BST1: variants seen among roughly 807,000 people sequenced by gnomAD.
BST1 encodes bone marrow stromal cell antigen 1.
Under a neutral mutation model 40.6 loss-of-function variants are expected in BST1, and 49 were observed. That is an observed-to-expected ratio of 1.21 (90% CI 0.96 to 1.53). BST1 has a LOEUF of 1.53. BST1 is among the 40% of genes most tolerant of loss of function. The probability of loss-of-function intolerance (pLI) is 0.00; values close to 1 mark genes in which losing one functional copy is unlikely to be tolerated. For missense variants in BST1, 423 were observed against 395.9 expected (o/e 1.07, Z -0.58); for synonymous variants, 157 against 159.3 (o/e 0.99, Z 0.11).
chr4:15,750,820 A>G, the BST1 span, among the ~76,000 whole-genome samples: 1 of 134,394 alleles, frequency 7.4e-6, no homozygotes, highest in Non-Finnish European at 1.6e-5. Flanking sequence ...TTGTTCCTTA[A>G]TAATATAGCT....
At chr4:15,712,702 G>A (rs2148883020) in intron 4 of BST1, among the ~76,000 whole-genome samples, 1 of 152,266 alleles carries the variant, frequency 6.6e-6, no homozygotes, top group South Asian at 2.1e-4. Flanking sequence ...AATCCTCCAT[G>A]GTGGCTGCAG....
intron 4 of BST1, 115 bp from the exon 5 acceptor site, chr4:15,715,170 C>G: frequency 1.1e-6 from 1 of 940,236 alleles, no homozygotes; most frequent in East Asian, 2.7e-5. Flanking sequence ...TATGAAATGC[C>G]ACATTTATCA....
chr4:15,742,773 G>A (rs527324916), downstream of BST1, among the ~76,000 whole-genome samples: 7 of 152,374 alleles, frequency 4.6e-5, no homozygotes, highest in Non-Finnish European at 8.8e-5. Context: ...ATCACTGAAG[G>A]AAACTGGGGT....
chr4:15,708,473 C>A (rs557034280), intron 3 of BST1, among the ~76,000 whole-genome samples: 9 of 152,148 alleles, frequency 5.9e-5, no homozygotes, highest in African/African-American at 2.2e-4. Flanking sequence ...CAGCCTCCAC[C>A]AGATCATCAG....
the BST1 span, among the ~76,000 whole-genome samples, chr4:15,770,661 T>A: frequency 2.6e-5 from 4 of 152,122 alleles, no homozygotes; most frequent in Admixed American, 1.3e-4. Flanking sequence ...GATTGCATCA[T>A]TGCACTCCAG....
the BST1 span, among the ~76,000 whole-genome samples, chr4:15,771,491 T>G: frequency 6.6e-6 from 1 of 152,366 alleles, no homozygotes; most frequent in East Asian, 1.9e-4. Flanking sequence ...TAAGGGGCTA[T>G]AGGGTTCCTT....
At chr4:15,704,007 C>A (rs577721856) in intron 1 of BST1, among the ~76,000 whole-genome samples, 1 of 114,356 alleles carries the variant, frequency 8.7e-6, no homozygotes, top group South Asian at 3.0e-4. Context: ...TGTGTGTGTT[C>A]TAGAGGTGAG....
At chr4:15,767,608 T>C in the BST1 span, among the ~76,000 whole-genome samples, 9 of 148,444 alleles carry the variant, frequency 6.1e-5, no homozygotes, top group Non-Finnish European at 6.0e-5. Flanking sequence ...CGGCCCTACT[T>C]TTTTTTTTTT....
the BST1 span, among the ~76,000 whole-genome samples, chr4:15,764,873 G>GGGGTGTGTGTGTGTGTGT: frequency 1.6e-4 from 22 of 137,458 alleles, no homozygotes; most frequent in African/African-American, 5.5e-4. Context: ...AATTAGGTGA[G>GGGGTGTGTGTGTGTGTGT]GTGTGTGTGT....
At chr4:15,705,032 G>A (rs1472184938) in intron 1 of BST1, 3 of 723,666 alleles carry the variant, frequency 4.1e-6, no homozygotes, top group Non-Finnish European at 7.7e-6. Flanking sequence ...CCTCAAGAGG[G>A]GCTTGCACTG....
chr4:15,725,642 T>A (rs1353158562), intron 8 of BST1, among the ~76,000 whole-genome samples: 1 of 152,204 alleles, frequency 6.6e-6, no homozygotes, highest in Non-Finnish European at 1.5e-5. Context: ...ATCTGGAATG[T>A]TTATTTCAAG....
At chr4:15,738,412 T>G (rs1721645601), downstream of BST1, 5 of 152,262 alleles carry the variant, frequency 3.3e-5, no homozygotes. Flanking sequence ...GTGTGTCTAG[T>G]AAGGTAGCAG....
chr4:15,755,923 A>G, the BST1 span, among the ~76,000 whole-genome samples: 2 of 152,260 alleles, frequency 1.3e-5, no homozygotes, highest in African/African-American at 4.8e-5. Flanking sequence ...AGGTAAAACA[A>G]TCTGAGAGCT....
chr4:15,740,581 C>G (rs1560292908), downstream of BST1, among the ~76,000 whole-genome samples: 1 of 152,108 alleles, frequency 6.6e-6, no homozygotes, highest in African/African-American at 2.4e-5. Flanking sequence ...GGAGACTAAT[C>G]TATACAAAGG....
At chr4:15,714,251 T>C (rs1720387180) in intron 4 of BST1, among the ~76,000 whole-genome samples, 1 of 152,126 alleles carries the variant, frequency 6.6e-6, no homozygotes, top group Admixed American at 6.5e-5. Flanking sequence ...TGCTAGGGAG[T>C]GAATCCAGCC....
rs755622501 is a variant in BST1 at position 15,711,832 on chromosome 4, A to G, written c.477A>G (p.Thr159=). 1.9e-6 allele frequency: 3 copies of G among 1,614,110 alleles called. No individual in the cohort carries two copies. Among genetic ancestry groups the G allele is most frequent in the African/African-American group, 2.7e-5 (2 of 75,072 alleles). The change falls in exon 4 of 9, where the codon ACA becomes ACG. Residue 159 remains threonine (T), a synonymous_variant. Transcript: ENST00000265016. Reference sequence around the variant, plus strand: ...GACTCGATTACCAATCCTGCCCTACATCAGAAGACTGTGAAAATAATCCTG... The same window carrying G: ...GACTCGATTACCAATCCTGCCCTACGTCAGAAGACTGTGAAAATAATCCTG... ...DSGLDYQSCP[T]SEDCENNPVD...
chr4:15,764,873 G>GGTGTGTGTGTGTGTGTGTGTGT, the BST1 span, among the ~76,000 whole-genome samples: 2,175 of 137,408 alleles, frequency 0.016, 30 homozygotes, highest in Non-Finnish European at 0.019. Flanking sequence ...AATTAGGTGA[G>GGTGTGTGTGTGTGTGTGTGTGT]GTGTGTGTGT....
chr4:15,761,101 G>A, the BST1 span, among the ~76,000 whole-genome samples: 1 of 151,986 alleles, frequency 6.6e-6, no homozygotes, highest in African/African-American at 2.4e-5. Flanking sequence ...CTGGGGTGCT[G>A]TGGCACAACC....
chr4:15,707,255 C>A (rs1719928759), intron 2 of BST1, among the ~76,000 whole-genome samples: 1 of 152,126 alleles, frequency 6.6e-6, no homozygotes, highest in Non-Finnish European at 1.5e-5. Context: ...GGGATCTTAC[C>A]ACATGCACGT....
Sources: gnomAD v4.1 joint callset for allele counts (sites outside exome capture counted in the v4.1 genomes callset) on GRCh38, gnomAD v4.1.1 for gene constraint, MANE v1.5 for transcripts, NCBI Gene and HGNC (gene_info 2026-07-23, HGNC 2026-07-21) for gene names.